QRICH2: variants seen among roughly 807,000 people sequenced by gnomAD.
QRICH2 encodes glutamine rich 2.
QRICH2 carries 119 observed loss-of-function variants against 168.3 expected under a neutral mutation model. The observed-to-expected ratio is 0.71, with a 90% CI of 0.61 to 0.82. The LOEUF (loss-of-function observed/expected upper bound fraction) is 0.82, where lower values mean the gene tolerates loss of function less well. Ranked by LOEUF, QRICH2 falls within the 40% of genes least tolerant of loss-of-function variation. QRICH2 has a pLI of 0.00. For missense variants in QRICH2, 2,241 were observed against 2,491.6 expected, an observed-to-expected ratio of 0.90 and a Z score of 2.14; for synonymous variants, 894 against 951.2, an observed-to-expected ratio of 0.94 and a Z score of 1.11.
Position 76,291,367 on chromosome 17 carries a change from A to G in QRICH2, c.3360T>C (p.Ser1120=). The G allele has an allele frequency of 1.2e-6, 2 of 1,614,098 alleles. No homozygotes were observed. Among genetic ancestry groups the G allele is most frequent in the East Asian group, 2.2e-5 (1 of 44,882 alleles). ...AACCTTCCTGGCCATGCTGATCAGCACTTAGATACCCTGGGCCACGATAAC... is the reference window on the plus strand; with the variant it reads ...AACCTTCCTGGCCATGCTGATCAGCGCTTAGATACCCTGGGCCACGATAAC... The part of the protein sequence containing the change: ...YPGYRGPGYL[S]ADQHGQEGLD... The change falls in exon 4 of 19, where the codon AGT becomes AGC. Residue 1120 remains serine, a synonymous_variant. Transcript: ENST00000680821.
At chr17:76,299,106 G>C (rs1166194926) in intron 3 of QRICH2, among the ~76,000 whole-genome samples, 1 of 152,062 alleles carries the variant, frequency 6.6e-6, no homozygotes, top group Non-Finnish European at 1.5e-5. Flanking sequence ...ACAGTGTACA[G>C]ATGACCAAAT....
In QRICH2 at chr17:76,280,951, G is replaced by A. The variant is rs374963194; in HGVS notation, c.4266C>T (p.Asp1422=). The A allele has an allele frequency of 9.6e-5, 154 of 1,608,780 alleles. No individual in the cohort carries two copies. Among genetic ancestry groups the A allele is most frequent in the South Asian group, 3.4e-4 (31 of 91,062 alleles). ...PSKKAKLQRQ[D]EELLGRVQSA... is the part of the protein sequence containing the mutation. ...TCTGCACACGGCCCAGCAGCTCCTC[G>A]TCCTGCGGCAGGAGGGATGGGAAGG... The change falls in exon 9 of 19, where the codon GAC becomes GAT. Residue 1422 remains aspartate (D), a splice_region_variant and synonymous_variant. Transcript: ENST00000680821. This position sits in a 1 kb window ranked among gnomAD's most constrained non-coding sequence, Gnocchi z 7.4.
At chr17:76,287,094 G>C in intron 7 of QRICH2, 98 bp downstream of exon 7, 1 of 631,006 alleles carries the variant, frequency 1.6e-6, no homozygotes. Flanking sequence ...ACACATGATG[G>C]GAGGGACCTA....
intron 7 of QRICH2, among the ~76,000 whole-genome samples, chr17:76,285,561 G>A (rs1478497484): frequency 6.6e-6 from 1 of 151,028 alleles, no homozygotes; most frequent in Non-Finnish European, 1.5e-5. Flanking sequence ...AGTCACCGCA[G>A]CCGGCCCCAC....
chr17:76,307,975 G>A lies in QRICH2; in HGVS notation c.24C>T (p.Ser8=). The change falls in exon 1 of 19, where the codon TCC becomes TCT. Residue 8 remains serine, a synonymous_variant. Coordinates refer to ENST00000680821, the MANE Select transcript of QRICH2 (RefSeq NM_001388453.1). This position sits in a 1 kb window ranked among gnomAD's most constrained non-coding sequence, Gnocchi z 5.3. MPPATTV[S]LRELADLSIG... is the part of the protein sequence containing the mutation. ...TGGAGAGGTCCGCCAGCTCCCGGAGGGAGACCGTGGTCGCGGGCGGCATCG... is the reference window on the plus strand; with the variant it reads ...TGGAGAGGTCCGCCAGCTCCCGGAGAGAGACCGTGGTCGCGGGCGGCATCG... The A allele has an allele frequency of 8.1e-7, 1 of 1,233,516 alleles. No individual in the cohort carries two copies. Among genetic ancestry groups the A allele is most frequent in the Non-Finnish European group, 1.0e-6 (1 of 988,638 alleles). The allele number at this position is 1,233,516 out of a possible 1,614,324, so 76.4% of individuals were successfully genotyped here. A position where few individuals can be genotyped will look rare whatever the true frequency, so the allele number is the denominator to read the frequency against.
At chr17:76,294,209 G>A (rs562506059) in intron 3 of QRICH2, among the ~76,000 whole-genome samples, 188 bp from the exon 4 acceptor site, 1 of 152,250 alleles carries the variant, frequency 6.6e-6, no homozygotes, top group South Asian at 2.1e-4. Flanking sequence ...TGGATTACTT[G>A]AGATCAGGAG....
At chr17:76,298,043 G>GAATTTTTCC (rs2070831181) in intron 3 of QRICH2, among the ~76,000 whole-genome samples, 1 of 148,368 alleles carries the variant, frequency 6.7e-6, no homozygotes, top group African/African-American at 2.5e-5. Flanking sequence ...CTAATTTTTT[G>GAATTTTTCC]AATTTTTCAG....
chr17:76,281,727 TG>T lies in QRICH2; in HGVS notation c.4263+136del. 9.5e-7 allele frequency: 1 copy of T among 1,050,834 alleles called. No homozygotes were observed. Among genetic ancestry groups the T allele is most frequent in the Non-Finnish European group, 1.4e-6 (1 of 720,842 alleles). 65.1% of individuals were successfully genotyped at this position (1,050,834 alleles called of 1,614,324 possible). On this transcript the variant is annotated intron_variant, in intron 8 of 18. Coordinates refer to ENST00000680821, the MANE Select transcript of QRICH2 (RefSeq NM_001388453.1). The surrounding 1 kb of genome is among the most constrained non-coding windows in gnomAD (Gnocchi z 4.4). ...AAAGACCAGGGACTCTTGTGGGATC[TG>T]GCTAAAGGGCTCCGCCACGGAGAGC...
Position 76,281,331 on chromosome 17 carries a change from A to G in QRICH2, c.4264-378T>C, listed in dbSNP as rs1331897657. ...CCTGGCCTGCCGGTCAGGGGTCATT[A>G]GAGGTGATGGAGGCTCAGGAGTGAT... is the stretch of plus-strand genomic sequence containing the variant. On this transcript the variant is annotated intron_variant, in intron 8 of 18. Transcript: ENST00000680821. This position sits in a 1 kb window ranked among gnomAD's most constrained non-coding sequence, Gnocchi z 4.4. 6.6e-6 allele frequency among the ~76,000 whole-genome samples: 1 copy of G among 152,134 alleles called. No homozygotes were observed. Among genetic ancestry groups the G allele is most frequent in the African/African-American group, 2.4e-5 (1 of 41,436 alleles).
rs754555235 is a variant in QRICH2, at chr17:76,275,914, G to T, written c.5387C>A (p.Pro1796His). 6.2e-7 allele frequency: 1 copy of T among 1,608,906 alleles called. No individual in the cohort carries two copies. Among genetic ancestry groups the T allele is most frequent in the Non-Finnish European group, 8.5e-7 (1 of 1,179,922 alleles). Residue 1796 changes from proline (P) to histidine (H), a missense_variant, in exon 18 of 19, where the codon CCC becomes CAC. Physicochemically the swap from Pro to His is moderately conservative, Grantham distance 77. Around this residue, in one of 3 missense-constraint regions of QRICH2, gnomAD observed 189 missense variants for 169.3 expected, o/e 1.12. Coordinates refer to ENST00000680821, the MANE Select transcript of QRICH2 (RefSeq NM_001388453.1). ...TGGCGGCCTGTGCACGTGGGGCCTG[G>T]GCTGCTGGGACTTGCGCTTTGAGGT... The part of the protein sequence containing the change: ...SGTSKRKSQQ[P>H]RPHVHRPPSL...
Position 76,282,040 on chromosome 17 carries a change from G to A in QRICH2, c.4087C>T (p.His1363Tyr), listed in dbSNP as rs1256726126. ...CCAGGAGCCAAGGTGTGGGCCTTGT[G>A]CGGGGCCATGCTCATGGACAGGAGC... Reference protein sequence around the residue: ...STLLSMSMAPHKAHTLAPGQI... With the variant: ...STLLSMSMAPYKAHTLAPGQI... The change falls in exon 8 of 19, where the codon CAC (histidine) becomes TAC (tyrosine). Residue 1363 changes from histidine (H) to tyrosine (Y), a missense_variant. Physicochemically the swap from His to Tyr is moderately conservative, Grantham distance 83. Transcript: ENST00000680821. The A allele has an allele frequency of 6.2e-7, 1 of 1,613,620 alleles. No individual in the cohort carries two copies. The highest frequency in any genetic ancestry group is 8.5e-7 in the Non-Finnish European group (1 of 1,179,760).
chr17:76,308,114 C>T lies in QRICH2; in HGVS notation c.-116G>A. 1.6e-6 allele frequency: 2 copies of T among 1,216,816 alleles called. No individual in the cohort carries two copies. 75.4% of individuals were successfully genotyped at this position (1,216,816 alleles called of 1,614,324 possible). A position where few individuals can be genotyped will look rare whatever the true frequency, so the allele number is the denominator to read the frequency against. On this transcript the variant is annotated 5_prime_UTR_variant, in exon 1 of 19. Coordinates refer to ENST00000680821, the MANE Select transcript of QRICH2 (RefSeq NM_001388453.1). ...CTGCGAGGTCCTCGGGGCGCCCCTGCCCCGGGTCCGGCCGAGTCACTGGAC... is the reference window on the plus strand; with the variant it reads ...CTGCGAGGTCCTCGGGGCGCCCCTGTCCCGGGTCCGGCCGAGTCACTGGAC...
intron 18 of QRICH2, 39 bp downstream of exon 18, chr17:76,275,780 G>A (rs2070664213): frequency 6.3e-7 from 1 of 1,595,874 alleles, no homozygotes; most frequent in Admixed American, 1.7e-5. Flanking sequence ...AGGGCCAGCG[G>A]GGAGGCCTGG....
intron 7 of QRICH2, among the ~76,000 whole-genome samples, chr17:76,286,271 T>C (rs921419485): frequency 4.6e-5 from 7 of 152,122 alleles, no homozygotes; most frequent in African/African-American, 1.7e-4. Flanking sequence ...GATGACTAGA[T>C]AAAGAAATTG....
In QRICH2 at chr17:76,281,780, C is replaced by CA. The variant is rs2070791693; in HGVS notation, c.4263+83dup. The stretch of plus-strand genomic sequence containing the variant: ...GACCTTGAGGCCCAAACACCCGCCC[C>CA]ACTTCTGTGGGTCTGCAGCAGGGTG... On this transcript the variant is annotated intron_variant, in intron 8 of 18. Coordinates refer to ENST00000680821, the MANE Select transcript of QRICH2 (RefSeq NM_001388453.1). This position sits in a 1 kb window ranked among gnomAD's most constrained non-coding sequence, Gnocchi z 4.4. 1 of 1,546,468 alleles carries CA rather than the reference C, an allele frequency of 6.5e-7. No homozygotes were observed. The highest frequency in any genetic ancestry group is 1.4e-5 in the African/African-American group (1 of 73,884).
chr17:76,297,870 G>GTTTGTTTTTT (rs2070823330), intron 3 of QRICH2, among the ~76,000 whole-genome samples: 1 of 79,476 alleles, frequency 1.3e-5, no homozygotes, highest in East Asian at 3.8e-4. Flanking sequence ...TTAGGAATCT[G>GTTTGTTTTTT]TTTTTTTTTT....
chr17:76,292,197 G>C lies in QRICH2; in HGVS notation c.2530C>G (p.Pro844Ala), dbSNP rs757947223. The change falls in exon 4 of 19, where the codon CCT becomes GCT. Residue 844 changes from proline (P) to alanine (A), a missense_variant. By Grantham distance (27) the Pro-to-Ala change is conservative. Coordinates refer to ENST00000680821, the MANE Select transcript of QRICH2 (RefSeq NM_001388453.1). The stretch of plus-strand genomic sequence containing the variant: ...ACCAAACCATGCTGAACTGCACCAG[G>C]TTGGACCAAACCACGCTGAACTGCA... Reference protein sequence around the residue: ...PGAVQRGLVQPGAVQHGLVQP... With the variant: ...PGAVQRGLVQAGAVQHGLVQP... 4.6e-6 allele frequency: 7 copies of C among 1,524,416 alleles called. No individual in the cohort carries two copies. The South Asian group carries it at 7.1e-5, about 16-fold the overall frequency. The allele number at this position is 1,524,416 out of a possible 1,614,324, so 94.4% of individuals were successfully genotyped here.
rs2071009603 is a variant in QRICH2, at chr17:76,307,533, G to T, written c.466C>A (p.Arg156=). ...EWPEEQEVGV[R]AFDRVRTGSI... is the part of the protein sequence containing the mutation. ...CCAGTCCGCACCCTATCGAACGCCC[G>T]CACGCCCACCTCCTGCTCCTCCGGC... is the stretch of plus-strand genomic sequence containing the variant. The change falls in exon 1 of 19, where the codon CGG becomes AGG. Residue 156 remains arginine, a synonymous_variant. Transcript: ENST00000680821. This position sits in a 1 kb window ranked among gnomAD's most constrained non-coding sequence, Gnocchi z 5.3. The T allele has an allele frequency of 1.2e-6, 2 of 1,602,986 alleles. No individual in the cohort carries two copies. Among genetic ancestry groups the T allele is most frequent in the South Asian group, 2.2e-5 (2 of 89,096 alleles).
At chr17:76,286,540 T>A (rs896571329) in intron 7 of QRICH2, among the ~76,000 whole-genome samples, 1 of 152,184 alleles carries the variant, frequency 6.6e-6, no homozygotes, top group Non-Finnish European at 1.5e-5. Flanking sequence ...GGGTTCTTTC[T>A]GGGGTGATTA....
Sources: gnomAD v4.1 joint callset for allele counts (sites outside exome capture counted in the v4.1 genomes callset) on GRCh38, gnomAD v4.1.1 for gene constraint, gnomAD v4.1.1 regional missense constraint, Gnocchi (gnomAD v3.1) non-coding constraint, MANE v1.5 for transcripts, NCBI Gene and HGNC (gene_info 2026-07-23, HGNC 2026-07-21) for gene names.